The following CDKN2B-AS1 variants were observed in gnomAD, a reference collection of about 807,000 sequenced individuals.
CDKN2B-AS1 encodes CDKN2B antisense RNA 1 (non-protein coding).
intron 4 of CDKN2B-AS1, among the ~76,000 whole-genome samples, chr9:22,113,104 T>C (rs1825844042): frequency 6.6e-6 from 1 of 152,220 alleles, no homozygotes; most frequent in African/African-American, 2.4e-5. Context: ...TATCTCGCAG[T>C]TCCTGTGTGT....
At chr9:22,009,366 C>G (rs1307258338) in intron 1 of CDKN2B-AS1, 2 of 352,564 alleles carry the variant, frequency 5.7e-6, no homozygotes, top group Non-Finnish European at 1.0e-5. Context: ...CGTCTCCCCA[C>G]CCCCTTAGGC....
intron 4 of CDKN2B-AS1, among the ~76,000 whole-genome samples, chr9:22,098,545 T>A (rs1825370119): frequency 6.6e-6 from 1 of 152,154 alleles, no homozygotes; most frequent in South Asian, 2.1e-4. Context: ...GCATGTTTGC[T>A]TTCAGGGTAC....
exon 5 of CDKN2B-AS1, among the ~76,000 whole-genome samples, chr9:22,127,392 T>C (rs1818034982): frequency 6.6e-6 from 1 of 152,246 alleles, no homozygotes; most frequent in Non-Finnish European, 1.5e-5. Context: ...AATGTTTTCT[T>C]TAAAAGCAAG....
chr9:22,032,900 A>T (rs1207758682), intron 1 of CDKN2B-AS1: 1 of 151,702 alleles, frequency 6.6e-6, no homozygotes, highest in African/African-American at 2.4e-5. Context: ...AAGCGTGAAT[A>T]TTATTTCCTC....
At chr9:22,070,509 A>C (rs1296668224) in intron 4 of CDKN2B-AS1, among the ~76,000 whole-genome samples, 1 of 152,198 alleles carries the variant, frequency 6.6e-6, no homozygotes, top group African/African-American at 2.4e-5. Flanking sequence ...GGCAATGATC[A>C]GGGAAGATTT....
chr9:22,083,444 T>C (rs1237682567), intron 4 of CDKN2B-AS1, among the ~76,000 whole-genome samples: 1 of 152,204 alleles, frequency 6.6e-6, no homozygotes, highest in Non-Finnish European at 1.5e-5. Context: ...ATATGAGATA[T>C]GGTAAGAAGG....
chr9:22,024,629 T>G (rs1460517608), intron 1 of CDKN2B-AS1, among the ~76,000 whole-genome samples: 1 of 152,152 alleles, frequency 6.6e-6, no homozygotes, highest in Non-Finnish European at 1.5e-5. Context: ...GCTGGCTGTG[T>G]GCTGCTAAGG....
chr9:22,071,972 C>G (rs1563963093), intron 4 of CDKN2B-AS1, among the ~76,000 whole-genome samples: 2 of 152,160 alleles, frequency 1.3e-5, no homozygotes, highest in Non-Finnish European at 2.9e-5. Context: ...TTTTAGACTG[C>G]CACTTTGCAT....
At position 22,027,337 on chromosome 9, in the gene CDKN2B-AS1, C is replaced by CAT. The variant is rs527270706; in HGVS notation, n.30-19411_30-19410dup. ...TCCTGGATTGCTTTTATATAAGGAA[C>CAT]ATATCTCATGAAATAAATAAAATTC... is the stretch of plus-strand genomic sequence containing the variant. On this transcript the variant is annotated intron_variant and non_coding_transcript_variant, in intron 1 of 4. Transcript: ENST00000650946. Among the ~76,000 whole-genome samples the CAT allele has an allele frequency of 6.8e-4, 103 of 152,150 alleles. 1 individual carries two copies. Among genetic ancestry groups the CAT allele is most frequent in the East Asian group, 4.1e-3 (21 of 5,182 alleles).
In CDKN2B-AS1 at chr9:22,006,608, G is replaced by A. The variant is rs3217980; in HGVS notation, n.29+11447G>A. Among the ~76,000 whole-genome samples, 6,418 of 152,146 alleles carry A rather than the reference G, an allele frequency of 0.042. 374 individuals are homozygous for A. The highest frequency in any genetic ancestry group is 0.13 in the African/African-American group (5,447 of 41,470). On this transcript the variant is annotated intron_variant and non_coding_transcript_variant, in intron 1 of 4. Transcript: ENST00000650946. The surrounding 1 kb of genome is among the most constrained non-coding windows in gnomAD (Gnocchi z 6.4). Reference sequence around the variant, plus strand: ...TTTAGGGGCAGAGTTAAATTTATTCGGCTTTTAAAGTTTTAAATTATTTGC... The same window carrying A: ...TTTAGGGGCAGAGTTAAATTTATTCAGCTTTTAAAGTTTTAAATTATTTGC...
chr9:22,038,098 G>T (rs1426419901), intron 1 of CDKN2B-AS1, among the ~76,000 whole-genome samples: 1 of 151,800 alleles, frequency 6.6e-6, no homozygotes, highest in Non-Finnish European at 1.5e-5. Flanking sequence ...CAATGTTCTT[G>T]ACAAGAAGCT....
chr9:22,032,420 T>C lies in CDKN2B-AS1; in HGVS notation n.30-14331T>C, dbSNP rs368954690. 5.3e-5 allele frequency among the ~76,000 whole-genome samples: 8 copies of C among 152,244 alleles called. No homozygotes were observed. In the South Asian group the frequency reaches 1.7e-3, roughly 32 times the overall value. ...AGAGCAGTTGGAAACACAAAAGCAA[T>C]GTCTGTATCTACAAAATGTCATTAT... On this transcript the variant is annotated intron_variant and non_coding_transcript_variant, in intron 1 of 4. Coordinates refer to ENST00000650946, the Ensembl canonical transcript of CDKN2B-AS1.
intron 1 of CDKN2B-AS1, among the ~76,000 whole-genome samples, chr9:22,002,136 T>G (rs1820947039): frequency 1.3e-5 from 2 of 152,082 alleles, no homozygotes; most frequent in South Asian, 4.1e-4. Flanking sequence ...ATCAAATAAC[T>G]AGACAGTTTC....
intron 4 of CDKN2B-AS1, among the ~76,000 whole-genome samples, chr9:22,105,121 C>G (rs988649833): frequency 2.0e-5 from 3 of 152,162 alleles, no homozygotes; most frequent in Non-Finnish European, 4.4e-5. Context: ...GCTACACTGA[C>G]TCTTGAAAGC....
intron 4 of CDKN2B-AS1, chr9:22,061,984 T>C (rs571154931): frequency 6.6e-6 from 1 of 152,324 alleles, no homozygotes; most frequent in South Asian, 2.1e-4. Context: ...AACAGAAGCC[T>C]ACGAAGAACT....
Position 22,039,303 on chromosome 9 carries a change from G to A in CDKN2B-AS1, n.30-7448G>A, listed in dbSNP as rs1172058043. ...TGTGAGCTTCCCATGTTCTCTCCCTGCAAGGACCACCTCAAATCCCTCAGT... is the reference window on the plus strand; with the variant it reads ...TGTGAGCTTCCCATGTTCTCTCCCTACAAGGACCACCTCAAATCCCTCAGT... On this transcript the variant is annotated intron_variant and non_coding_transcript_variant, in intron 1 of 4. Transcript: ENST00000650946. The surrounding 1 kb of genome is among the most constrained non-coding windows in gnomAD (Gnocchi z 4.4). Among the ~76,000 whole-genome samples the A allele has an allele frequency of 6.6e-6, 1 of 151,894 alleles. No individual in the cohort carries two copies. Among genetic ancestry groups the A allele is most frequent in the Non-Finnish European group, 1.5e-5 (1 of 67,936 alleles).
intron 1 of CDKN2B-AS1, among the ~76,000 whole-genome samples, chr9:22,040,393 C>T (rs190015500): frequency 6.6e-6 from 1 of 152,122 alleles, no homozygotes; most frequent in Admixed American, 6.5e-5. Context: ...ATCAATTTGA[C>T]TCCAAAACAT....
intron 4 of CDKN2B-AS1, chr9:22,066,278 A>G (rs1824037011): frequency 1.3e-5 from 2 of 151,844 alleles, no homozygotes; most frequent in African/African-American, 2.4e-5. Context: ...TATTGGCATG[A>G]TTACAGCTCA....
intron 1 of CDKN2B-AS1, among the ~76,000 whole-genome samples, chr9:22,022,122 G>A (rs975969732): frequency 1.3e-5 from 2 of 152,084 alleles, no homozygotes; most frequent in African/African-American, 4.8e-5. Flanking sequence ...TGAGAAGAAT[G>A]TAGATTCTGT....
Sources: allele counts gnomAD v4.1 joint callset (sites outside exome capture counted in the v4.1 genomes callset), GRCh38; gene constraint gnomAD v4.1.1; non-coding constraint Gnocchi (gnomAD v3.1); transcripts MANE v1.5; gene names NCBI Gene and HGNC (gene_info 2026-07-23, HGNC 2026-07-21).